AR: variants seen among roughly 807,000 people sequenced by gnomAD.
The protein encoded by AR is dihydrotestosterone receptor.
AR carries 8 observed loss-of-function variants against 53.9 expected under a neutral mutation model. That is an observed-to-expected ratio of 0.15 (90% CI 0.09 to 0.27). AR has a LOEUF of 0.27. AR is among the 10% of genes least tolerant of loss of function. The pLI, the probability that AR is intolerant of heterozygous loss-of-function variation, is 1.00. For missense variants in AR, 639 were observed against 742.5 expected, an observed-to-expected ratio of 0.86 and a Z score of 1.62; for synonymous variants, 359 against 316.4, an observed-to-expected ratio of 1.13 and a Z score of -1.43.
chrX:67,598,950 T>C (rs1297550705), intron 1 of AR, among the ~76,000 whole-genome samples: 1 of 111,156 alleles, frequency 9.0e-6, no homozygotes, highest in East Asian at 2.8e-4. Context: ...TTCCTTCTGA[T>C]ATGCAGCCAG....
In AR at chrX:67,545,167, G is replaced by A. The variant is rs1929638763; in HGVS notation, c.21G>A (p.Leu7=). The change falls in exon 1 of 8, where the codon CTG becomes CTA. Residue 7 remains leucine, a synonymous_variant. Coordinates refer to ENST00000374690, the MANE Select transcript of AR (RefSeq NM_000044.6). Reference sequence around the variant, plus strand: ...CAAGGATGGAAGTGCAGTTAGGGCTGGGAAGGGTCTACCCTCGGCCGCCGT... The same window carrying A: ...CAAGGATGGAAGTGCAGTTAGGGCTAGGAAGGGTCTACCCTCGGCCGCCGT... The part of the protein sequence containing the change: MEVQLG[L]GRVYPRPPSK... The A allele has an allele frequency of 1.7e-6, 2 of 1,198,495 alleles. No homozygotes were observed. Among genetic ancestry groups the A allele is most frequent in the African/African-American group, 3.6e-5 (2 of 56,239 alleles).
intron 2 of AR, among the ~76,000 whole-genome samples, chrX:67,645,095 G>C (rs1208964769): frequency 1.8e-5 from 2 of 111,539 alleles, no homozygotes; most frequent in Non-Finnish European, 3.8e-5. Context: ...TCTAGAGGTA[G>C]TGTGTCAGCA....
chrX:67,553,212 T>C (rs933542652), intron 1 of AR, among the ~76,000 whole-genome samples: 3 of 112,195 alleles, frequency 2.7e-5, no homozygotes, highest in Admixed American at 9.5e-5. Flanking sequence ...ATTTAGGTCT[T>C]TCATCAGTTT....
chrX:67,551,676 T>A (rs976257409), intron 1 of AR, among the ~76,000 whole-genome samples: 1 of 111,974 alleles, frequency 8.9e-6, no homozygotes, highest in Non-Finnish European at 1.9e-5. Flanking sequence ...AAAGTTAGAT[T>A]TTCTATGATA....
In AR at chrX:67,729,472, G is replaced by C. The variant is rs2076171388; in HGVS notation, c.*5631G>C. On this transcript the variant is annotated 3_prime_UTR_variant, in exon 8 of 8. Transcript: ENST00000374690. The stretch of plus-strand genomic sequence containing the variant: ...TGAATTTAGCAGGTGGAGTTTCATA[G>C]TAAAAACAGCTTTTGACTCAGCTTT... 3 of 173,693 alleles carry C rather than the reference G, an allele frequency of 1.7e-5. No homozygotes were observed. The highest frequency in any genetic ancestry group is 3.3e-5 in the Non-Finnish European group (3 of 91,160). 14.3% of individuals were successfully genotyped at this position (173,693 alleles called of 1,213,427 possible).
intron 1 of AR, among the ~76,000 whole-genome samples, chrX:67,550,219 T>C (rs762508760): frequency 9.8e-5 from 11 of 111,891 alleles, no homozygotes; most frequent in Non-Finnish European, 2.1e-4. Flanking sequence ...CAAAGAAGTT[T>C]GCAGGCTTCC....
Position 67,694,851 on chromosome X carries a change from T to C in AR, c.1885+8725T>C, listed in dbSNP as rs150035496. 2,709 of 1,085,201 alleles carry C rather than the reference T, an allele frequency of 2.5e-3. 50 individuals carry two copies. In the African/African-American group the frequency reaches 0.046, roughly 19 times the overall value. The allele number at this position is 1,085,201 out of a possible 1,213,427, so 89.4% of individuals were successfully genotyped here. On this transcript the variant is annotated intron_variant, in intron 3 of 7. Coordinates refer to ENST00000374690, the MANE Select transcript of AR (RefSeq NM_000044.6). Reference sequence around the variant, plus strand: ...CTCAACACAGACTTTGACGTTGGGGTTGGGGGCTACTCTCTTGATTGCTGA... The same window carrying C: ...CTCAACACAGACTTTGACGTTGGGGCTGGGGGCTACTCTCTTGATTGCTGA...
chrX:67,575,103 T>C (rs1447218444), intron 1 of AR, among the ~76,000 whole-genome samples: 1 of 111,032 alleles, frequency 9.0e-6, no homozygotes. Flanking sequence ...GGTATGAGAA[T>C]TGGGCCAAGA....
In AR at chrX:67,643,219, G is replaced by A. The variant is rs747721423; in HGVS notation, c.1617-37G>A. On this transcript the variant is annotated intron_variant, in intron 1 of 7. Coordinates refer to ENST00000374690, the MANE Select transcript of AR (RefSeq NM_000044.6). ...TTCACTTGCCTATTTCTGCCATTCA[G>A]TGACATGTGTTGCATTGGTTTTTTG... is the stretch of plus-strand genomic sequence containing the variant. The A allele has an allele frequency of 2.5e-6, 3 of 1,208,160 alleles. No homozygotes were observed. In the African/African-American group the frequency reaches 5.2e-5, roughly 21 times the overall value.
intron 1 of AR, among the ~76,000 whole-genome samples, chrX:67,608,037 A>G (rs905206507): frequency 8.9e-6 from 1 of 112,167 alleles, no homozygotes; most frequent in Non-Finnish European, 1.9e-5. Context: ...TAATAGTCTT[A>G]AAGTCCGATG....
At chrX:67,631,726 G>T (rs1925133064) in intron 1 of AR, among the ~76,000 whole-genome samples, 1 of 112,452 alleles carries the variant, frequency 8.9e-6, no homozygotes. Flanking sequence ...CTGCTTTTTA[G>T]TGTTTCCAGT....
Position 67,728,231 on chromosome X carries a change from A to C in AR, c.*4390A>C, listed in dbSNP as rs1027346998. On this transcript the variant is annotated 3_prime_UTR_variant, in exon 8 of 8. Coordinates refer to ENST00000374690, the MANE Select transcript of AR (RefSeq NM_000044.6). The stretch of plus-strand genomic sequence containing the variant: ...TAGAAGAATTGAAAATAATTTCGGG[A>C]AAATGGGATTATGGGTCCTTCACTA... 6.0e-6 allele frequency: 1 copy of C among 165,512 alleles called. No individual in the cohort carries two copies. The highest frequency in any genetic ancestry group is 3.1e-5 in the African/African-American group (1 of 32,622). The allele number at this position is 165,512 out of a possible 1,213,427, so 13.6% of individuals were successfully genotyped here.
chrX:67,681,245 A>G (rs201996163), intron 2 of AR, among the ~76,000 whole-genome samples: 2 of 110,964 alleles, frequency 1.8e-5, no homozygotes, highest in East Asian at 5.7e-4. Context: ...GAGGAGGGGG[A>G]GCTGCCTAGG....
intron 1 of AR, among the ~76,000 whole-genome samples, chrX:67,594,054 G>A (rs1240609807): frequency 8.9e-6 from 1 of 112,140 alleles, no homozygotes; most frequent in East Asian, 2.8e-4. Context: ...GAGTACAGTA[G>A]TGCGCTCATG....
rs772890200 is a variant in AR, at chrX:67,545,521, C to T, written c.375C>T (p.Cys125=). Reference sequence around the variant, plus strand: ...CACAGCCGCAGTCGGCCCTGGAGTGCCACCCCGAGAGAGGTTGCGTCCCAG... The same window carrying T: ...CACAGCCGCAGTCGGCCCTGGAGTGTCACCCCGAGAGAGGTTGCGTCCCAG... The part of the protein sequence containing the change: ...QPSQPQSALE[C]HPERGCVPEP... Residue 125 remains cysteine (C), a synonymous_variant, in exon 1 of 8, where the codon TGC becomes TGT. Coordinates refer to ENST00000374690, the MANE Select transcript of AR (RefSeq NM_000044.6). 1.7e-6 allele frequency: 2 copies of T among 1,189,196 alleles called. No individual in the cohort carries two copies. The highest frequency in any genetic ancestry group is 2.3e-5 in the Admixed American group (1 of 42,959).
chrX:67,650,228 C>T (rs193106162), intron 2 of AR, among the ~76,000 whole-genome samples: 98 of 112,005 alleles, frequency 8.7e-4, no homozygotes, highest in African/African-American at 2.9e-3. Flanking sequence ...TCATATGGAA[C>T]CAAAAAGAGC....
At chrX:67,634,801 C>G (rs1398649883) in intron 1 of AR, among the ~76,000 whole-genome samples, 1 of 111,335 alleles carries the variant, frequency 9.0e-6, no homozygotes, top group Admixed American at 9.6e-5. Flanking sequence ...ATTGTGAACT[C>G]TGATTTTATC....
chrX:67,728,770 A>G lies in AR; in HGVS notation c.*4929A>G, dbSNP rs1396146112. On this transcript the variant is annotated 3_prime_UTR_variant, in exon 8 of 8. Coordinates refer to ENST00000374690, the MANE Select transcript of AR (RefSeq NM_000044.6). The stretch of plus-strand genomic sequence containing the variant: ...GACACCTGGATTGATCAGTTAACTA[A>G]AAGTTTTCTCCCCTATTGGGTTTGA... 6.5e-6 allele frequency: 1 copy of G among 154,013 alleles called. No individual in the cohort carries two copies. Among genetic ancestry groups the G allele is most frequent in the African/African-American group, 3.1e-5 (1 of 31,819 alleles). 12.7% of individuals were successfully genotyped at this position (154,013 alleles called of 1,213,427 possible). A position where few individuals can be genotyped will look rare whatever the true frequency, so the allele number is the denominator to read the frequency against.
intron 1 of AR, among the ~76,000 whole-genome samples, chrX:67,621,374 T>C (rs2147397314): frequency 8.9e-6 from 1 of 111,758 alleles, no homozygotes; most frequent in Admixed American, 9.5e-5. Flanking sequence ...TGTTTTTTAA[T>C]TATACTTTAA....
Sources: gnomAD v4.1 joint callset for allele counts (sites outside exome capture counted in the v4.1 genomes callset) on GRCh38, gnomAD v4.1.1 for gene constraint, MANE v1.5 for transcripts, NCBI Gene and HGNC (gene_info 2026-07-23, HGNC 2026-07-21) for gene names.